Variants in ITPR2 observed in about 807,000 individuals in gnomAD.
The protein encoded by ITPR2 is inositol 1,4,5-trisphosphate-gated calcium channel ITPR2.
A neutral mutation model predicts 317.1 loss-of-function variants in ITPR2; 207 were observed. That is an observed-to-expected ratio of 0.65 (90% confidence interval 0.58 to 0.73). The LOEUF (loss-of-function observed/expected upper bound fraction) is 0.73, where lower values mean the gene tolerates loss of function less well. Among genes scored for constraint, ITPR2 ranks in the 30% least tolerant of loss-of-function variants. The pLI is 0.00. For synonymous variants in ITPR2, 1,156 were observed against 1,149.1 expected, an observed-to-expected ratio of 1.01 and a Z score of -0.12; for missense variants, 2,613 against 3,284.0, an observed-to-expected ratio of 0.80 and a Z score of 4.99.
intron 52 of ITPR2, among the ~76,000 whole-genome samples, chr12:26,409,846 A>G (rs192356589): frequency 6.6e-6 from 1 of 152,300 alleles, no homozygotes; most frequent in Non-Finnish European, 1.5e-5. Context: ...CCTCCTGTCT[A>G]TTCACTGGTC....
intron 37 of ITPR2, among the ~76,000 whole-genome samples, chr12:26,542,483 T>G (rs1944289617): frequency 6.6e-6 from 1 of 152,066 alleles, no homozygotes; most frequent in African/African-American, 2.4e-5. Flanking sequence ...TCCTAACCAG[T>G]AAAAGGGAGA....
intron 2 of ITPR2, among the ~76,000 whole-genome samples, chr12:26,727,412 T>C (rs1410124026): frequency 6.6e-6 from 1 of 152,234 alleles, no homozygotes; most frequent in Non-Finnish European, 1.5e-5. Flanking sequence ...TCTGACTTTC[T>C]TCATGTATAA....
intron 49 of ITPR2, among the ~76,000 whole-genome samples, chr12:26,427,400 G>A (rs931926602): frequency 9.9e-5 from 15 of 151,676 alleles, no homozygotes; most frequent in Admixed American, 5.2e-4. Flanking sequence ...TTCAAAATTC[G>A]GTCAAAAAAT....
chr12:26,560,290 G>T (rs1230000102), intron 35 of ITPR2, among the ~76,000 whole-genome samples: 1 of 151,902 alleles, frequency 6.6e-6, no homozygotes, highest in Non-Finnish European at 1.5e-5. Context: ...CTCTCATAGG[G>T]CGTTCTTTTT....
At chr12:26,385,996 T>C (rs1404474044) in intron 55 of ITPR2, among the ~76,000 whole-genome samples, 1 of 152,174 alleles carries the variant, frequency 6.6e-6, no homozygotes, top group African/African-American at 2.4e-5. Flanking sequence ...GTGTATAGTA[T>C]ACCCAAACAT....
At chr12:26,613,888 T>C (rs540751643) in intron 26 of ITPR2, among the ~76,000 whole-genome samples, 2 of 152,244 alleles carry the variant, frequency 1.3e-5, no homozygotes, top group East Asian at 1.9e-4. Context: ...GTATGTTCAA[T>C]ATGGTTACAG....
chr12:26,665,912 G>C lies in ITPR2; in HGVS notation c.1549C>G (p.Gln517Glu). Residue 517 changes from glutamine to glutamate, a missense_variant and splice_region_variant, in exon 14 of 57, where the codon CAG (glutamine) becomes GAG (glutamate). Physicochemically the swap from Gln to Glu is conservative, Grantham distance 29. Transcript: ENST00000381340. ...ATTTAGTACATGAAAAAATTCACCT[G>C]TGCCAGTATGTTTTGTTCCCTCATC... ...KLMREQNILA[Q>E]VFGILKAPFK... is the part of the protein sequence containing the mutation. 1 of 1,608,324 alleles carries C rather than the reference G, an allele frequency of 6.2e-7. No individual in the cohort carries two copies. The highest frequency in any genetic ancestry group is 8.5e-7 in the Non-Finnish European group (1 of 1,178,494).
At chr12:26,525,817 CTGCTTAATA>C (rs1382752685) in intron 37 of ITPR2, among the ~76,000 whole-genome samples, 2 of 152,198 alleles carry the variant, frequency 1.3e-5, no homozygotes, top group East Asian at 3.8e-4. Flanking sequence ...ATCAGACCTA[CTGCTTAATA>C]TGATACTTCT....
chr12:26,634,203 T>C (rs1161003907), intron 21 of ITPR2, among the ~76,000 whole-genome samples: 1 of 152,200 alleles, frequency 6.6e-6, no homozygotes, highest in Non-Finnish European at 1.5e-5. Context: ...TTGGTGGTGA[T>C]GAGAAGTGCT....
chr12:26,363,733 C>A (rs1237001982), intron 55 of ITPR2, among the ~76,000 whole-genome samples: 1 of 151,624 alleles, frequency 6.6e-6, no homozygotes, highest in Non-Finnish European at 1.5e-5. Context: ...CAAACCTGCA[C>A]ATGTATCCCA....
intron 1 of ITPR2, among the ~76,000 whole-genome samples, chr12:26,802,064 G>C (rs1444525672): frequency 6.6e-6 from 1 of 152,104 alleles, no homozygotes; most frequent in African/African-American, 2.4e-5. Context: ...CTTTGGGAAG[G>C]TGAGGTGAGA....
At chr12:26,417,616 A>G (rs1429030796) in intron 50 of ITPR2, among the ~76,000 whole-genome samples, 1 of 152,098 alleles carries the variant, frequency 6.6e-6, no homozygotes, top group Non-Finnish European at 1.5e-5. Flanking sequence ...ACCTTCCACC[A>G]TGATTGTAAG....
At chr12:26,739,079 G>C (rs1198073466) in intron 2 of ITPR2, among the ~76,000 whole-genome samples, 1 of 152,212 alleles carries the variant, frequency 6.6e-6, no homozygotes. Context: ...CTGGTCATTA[G>C]AGAAATGCAA....
chr12:26,389,365 G>C (rs1002909033), intron 54 of ITPR2, among the ~76,000 whole-genome samples: 1 of 152,152 alleles, frequency 6.6e-6, no homozygotes, highest in African/African-American at 2.4e-5. Flanking sequence ...TAATTCTTTA[G>C]TATGAGTCCC....
At chr12:26,456,966 C>T (rs1470883238) in intron 45 of ITPR2, among the ~76,000 whole-genome samples, 1 of 152,190 alleles carries the variant, frequency 6.6e-6, no homozygotes, top group Non-Finnish European at 1.5e-5. Flanking sequence ...GCCACCATCC[C>T]AGCCTCTAGT....
At chr12:26,690,006 T>C (rs543495699) in intron 10 of ITPR2, among the ~76,000 whole-genome samples, 1 of 152,262 alleles carries the variant, frequency 6.6e-6, no homozygotes, top group South Asian at 2.1e-4. Context: ...TGGAACCCTA[T>C]TGTAGCCAAA....
chr12:26,805,223 T>G (rs1950620560), intron 1 of ITPR2, among the ~76,000 whole-genome samples: 1 of 152,262 alleles, frequency 6.6e-6, no homozygotes, highest in Non-Finnish European at 1.5e-5. Flanking sequence ...TCTGTGATGT[T>G]GGGAAAGTCG....
At chr12:26,780,681 T>C (rs1248027713) in intron 2 of ITPR2, among the ~76,000 whole-genome samples, 1 of 152,090 alleles carries the variant, frequency 6.6e-6, no homozygotes, top group Non-Finnish European at 1.5e-5. Flanking sequence ...CAGCATCCAA[T>C]ATATGGCACT....
chr12:26,454,605 G>T (rs1182463593), intron 45 of ITPR2, among the ~76,000 whole-genome samples: 4 of 152,010 alleles, frequency 2.6e-5, no homozygotes, highest in Non-Finnish European at 5.9e-5. Flanking sequence ...CACTGTTTCT[G>T]GTGATTTTTT....
Sources: gnomAD v4.1 joint callset for allele counts (sites outside exome capture counted in the v4.1 genomes callset) on GRCh38, gnomAD v4.1.1 for gene constraint, MANE v1.5 for transcripts, NCBI Gene and HGNC (gene_info 2026-07-23, HGNC 2026-07-21) for gene names.